Variants in NOL10 observed in about 807,000 individuals in gnomAD.
NOL10 encodes the protein H_NH0074G24.1.
NOL10 carries 58 observed loss-of-function variants against 103.5 expected under a neutral mutation model. The observed-to-expected ratio is 0.56, with a 90% CI of 0.45 to 0.70. NOL10 has a LOEUF of 0.70. NOL10 is among the 30% of genes least tolerant of loss of function. NOL10 has a pLI of 0.00. For synonymous variants in NOL10, 287 were observed against 282.5 expected (o/e 1.02, Z -0.16); for missense variants, 763 against 807.3 (o/e 0.95, Z 0.67).
chr2:10,632,311 T>C (rs1244659888), intron 13 of NOL10, among the ~76,000 whole-genome samples: 2 of 152,164 alleles, frequency 1.3e-5, no homozygotes, highest in African/African-American at 2.4e-5. Flanking sequence ...AGAGAAAATA[T>C]TTTAGGGCTC....
intron 11 of NOL10, among the ~76,000 whole-genome samples, chr2:10,656,886 C>T (rs1181748152): frequency 6.6e-6 from 1 of 152,204 alleles, no homozygotes; most frequent in Non-Finnish European, 1.5e-5. Flanking sequence ...CAACTCTTTA[C>T]TATTCTCTCA....
intron 13 of NOL10, among the ~76,000 whole-genome samples, chr2:10,618,262 A>C (rs1485034768): frequency 6.6e-6 from 1 of 151,478 alleles, no homozygotes; most frequent in African/African-American, 2.4e-5. Context: ...AAATGAATTA[A>C]GGAGGTTATT....
intron 13 of NOL10, 128 bp from the exon 14 acceptor site, chr2:10,607,439 T>C (rs1676317871): frequency 1.6e-5 from 15 of 960,540 alleles, no homozygotes; most frequent in Non-Finnish European, 2.2e-5. Flanking sequence ...TATTGACAAA[T>C]GGATGCAGTA....
Position 10,577,695 on chromosome 2 carries a change from T to A in NOL10, c.1888A>T (p.Thr630Ser). The A allele has an allele frequency of 1.2e-6, 2 of 1,612,932 alleles. No individual in the cohort carries two copies. The highest frequency in any genetic ancestry group is 1.7e-6 in the Non-Finnish European group (2 of 1,179,406). The change falls in exon 20 of 21, where the codon ACA becomes TCA. Residue 630 changes from threonine (T) to serine (S), a missense_variant. Thr to Ser is a moderately conservative substitution (Grantham distance 58, BLOSUM62 1). Transcript: ENST00000381685. ...ACGGTGGTGTCGGATACACTCAATGTCCCATTTTTTGCTTCAATTTTCAAA... is the reference window on the plus strand; with the variant it reads ...ACGGTGGTGTCGGATACACTCAATGACCCATTTTTTGCTTCAATTTTCAAA... ...DRLKIEAKNG[T>S]LSVSDTTVGS...
rs531990647 is a variant in NOL10, at chr2:10,607,293, G to T, written c.1045C>A (p.Arg349=). 5 of 1,604,476 alleles carry T rather than the reference G, an allele frequency of 3.1e-6. No individual in the cohort carries two copies. Among genetic ancestry groups the T allele is most frequent in the African/African-American group, 1.3e-5 (1 of 74,618 alleles). The part of the protein sequence containing the change: ...YYIPVLGPAP[R]WCSFLDNLTE... ...AAGTTGTCTAAGAAGGAACACCACC[G>T]AGGAGCAGGACCCAAAACCTGTTGG... Residue 349 remains arginine, a synonymous_variant, in exon 14 of 21, where the codon CGG becomes AGG. Transcript: ENST00000381685.
chr2:10,643,196 T>C (rs1481215542), intron 13 of NOL10, among the ~76,000 whole-genome samples: 1 of 152,182 alleles, frequency 6.6e-6, no homozygotes, highest in Non-Finnish European at 1.5e-5. Context: ...TCTAAGTGCT[T>C]TCAACAACAC....
intron 1 of NOL10, among the ~76,000 whole-genome samples, chr2:10,685,087 T>C (rs1281641913): frequency 2.0e-5 from 3 of 152,244 alleles, no homozygotes; most frequent in Non-Finnish European, 4.4e-5. Context: ...AAGCCTCAAA[T>C]ATTATGGGTT....
intron 13 of NOL10, among the ~76,000 whole-genome samples, chr2:10,627,428 C>A (rs1217360636): frequency 2.0e-5 from 3 of 152,260 alleles, no homozygotes; most frequent in East Asian, 1.9e-4. Context: ...GTAATCCCAG[C>A]ACTTTGGGAG....
intron 19 of NOL10, among the ~76,000 whole-genome samples, chr2:10,585,829 G>A (rs1486919600): frequency 6.6e-6 from 1 of 152,114 alleles, no homozygotes; most frequent in Non-Finnish European, 1.5e-5. Flanking sequence ...ATTGTTTAGG[G>A]AATAAAGTCA....
intron 13 of NOL10, among the ~76,000 whole-genome samples, chr2:10,609,160 G>A (rs1382501942): frequency 1.3e-5 from 2 of 151,874 alleles, no homozygotes; most frequent in African/African-American, 4.8e-5. Context: ...AAGCACATGT[G>A]TGCACTTGCA....
intron 13 of NOL10, among the ~76,000 whole-genome samples, chr2:10,623,132 C>A (rs1677243913): frequency 6.6e-6 from 1 of 152,134 alleles, no homozygotes; most frequent in South Asian, 2.1e-4. Context: ...ATTAAACAGG[C>A]AGAATAATCT....
At chr2:10,686,444 A>T (rs1185259888) in intron 1 of NOL10, among the ~76,000 whole-genome samples, 1 of 152,214 alleles carries the variant, frequency 6.6e-6, no homozygotes, top group Non-Finnish European at 1.5e-5. Context: ...GGAAGGCACA[A>T]CATCAAGTAG....
chr2:10,597,633 T>C (rs953407099), intron 17 of NOL10, among the ~76,000 whole-genome samples: 3 of 152,224 alleles, frequency 2.0e-5, no homozygotes, highest in Non-Finnish European at 2.9e-5. Flanking sequence ...CAAAAGACCA[T>C]ATATAAATAT....
intron 13 of NOL10, among the ~76,000 whole-genome samples, chr2:10,615,063 G>A (rs1305277784): frequency 6.6e-6 from 1 of 152,198 alleles, no homozygotes; most frequent in Non-Finnish European, 1.5e-5. Context: ...TGAGCCAGAG[G>A]GAGTGGCCAT....
intron 16 of NOL10, among the ~76,000 whole-genome samples, chr2:10,601,249 G>C (rs1344467131): frequency 2.0e-5 from 3 of 152,150 alleles, no homozygotes; most frequent in Non-Finnish European, 2.9e-5. Flanking sequence ...ATTTTTAGTA[G>C]AGACGGGGTT....
chr2:10,647,750 T>C (rs1309494029), intron 12 of NOL10, among the ~76,000 whole-genome samples: 2 of 152,224 alleles, frequency 1.3e-5, no homozygotes, highest in South Asian at 2.1e-4. Context: ...AAGATATTTA[T>C]AGATGGCTCT....
chr2:10,581,854 T>G (rs1364255233), intron 19 of NOL10, among the ~76,000 whole-genome samples: 1 of 152,032 alleles, frequency 6.6e-6, no homozygotes, highest in Non-Finnish European at 1.5e-5. Context: ...CCATTCATGT[T>G]AAAGAAAAAA....
At chr2:10,688,742 T>A (rs569465691) in intron 1 of NOL10, among the ~76,000 whole-genome samples, 2 of 152,194 alleles carry the variant, frequency 1.3e-5, no homozygotes, top group Non-Finnish European at 2.9e-5. Context: ...TAGATCCCAA[T>A]ACTTAAAACA....
chr2:10,584,202 TC>T (rs1374604767), intron 19 of NOL10, among the ~76,000 whole-genome samples: 9 of 152,180 alleles, frequency 5.9e-5, no homozygotes, highest in African/African-American at 2.2e-4. Context: ...TTCAGCTCCT[TC>T]CTTCTTATGC....
Sources: gnomAD v4.1 joint callset for allele counts (sites outside exome capture counted in the v4.1 genomes callset) on GRCh38, gnomAD v4.1.1 for gene constraint, MANE v1.5 for transcripts, NCBI Gene and HGNC (gene_info 2026-07-23, HGNC 2026-07-21) for gene names.